The following GRIN3A variants were observed in gnomAD, a reference collection of about 807,000 sequenced individuals.
GRIN3A encodes glutamate ionotropic receptor NMDA type subunit 3A.
Under a neutral mutation model 92.4 loss-of-function variants are expected in GRIN3A, and 47 were observed. That is an observed-to-expected ratio of 0.51 (90% CI 0.40 to 0.65). The LOEUF is 0.65. Ranked by LOEUF, GRIN3A falls within the 30% of genes least tolerant of loss-of-function variation. The probability of loss-of-function intolerance (pLI) is 0.00; values close to 1 mark genes in which losing one functional copy is unlikely to be tolerated. For missense variants in GRIN3A, 1,324 were observed against 1,393.1 expected, an observed-to-expected ratio of 0.95 and a Z score of 0.79; for synonymous variants, 527 against 540.6, an observed-to-expected ratio of 0.97 and a Z score of 0.35.
chr9:101,660,687 T>C (rs550382397), intron 3 of GRIN3A, among the ~76,000 whole-genome samples: 14 of 151,810 alleles, frequency 9.2e-5, no homozygotes, highest in Non-Finnish European at 1.6e-4. Flanking sequence ...TTCACAAAAC[T>C]AATATGTAAT....
At position 101,572,558 on chromosome 9, in the gene GRIN3A, G is replaced by GAGC. The variant is rs1402327849; in HGVS notation, c.*615_*616insGCT. 6.4e-6 allele frequency: 1 copy of GAGC among 156,852 alleles called. No individual in the cohort carries two copies. Among genetic ancestry groups the GAGC allele is most frequent in the African/African-American group, 2.4e-5 (1 of 41,468 alleles). 9.7% of individuals were successfully genotyped at this position (156,852 alleles called of 1,614,324 possible). On this transcript the variant is annotated 3_prime_UTR_variant, in exon 9 of 9. Transcript: ENST00000361820. ...AAGCATGCTCTTACTAAACAGTCAG[G>GAGC]ATGGAGTCAGAGATCCAGAACCTTC...
chr9:101,640,340 A>G (rs1449919812), intron 3 of GRIN3A, among the ~76,000 whole-genome samples: 1 of 152,240 alleles, frequency 6.6e-6, no homozygotes, highest in Non-Finnish European at 1.5e-5. Flanking sequence ...TGAAGGCAGC[A>G]GTCAGCTGAG....
At chr9:101,730,281 A>G (rs191220822) in intron 1 of GRIN3A, among the ~76,000 whole-genome samples, 66 of 152,290 alleles carry the variant, frequency 4.3e-4, no homozygotes, top group African/African-American at 1.5e-3. Context: ...CTGGAGCTGG[A>G]AGTCCTAAGC....
At chr9:101,597,305 G>A (rs1291877250) in intron 6 of GRIN3A, among the ~76,000 whole-genome samples, 1 of 152,128 alleles carries the variant, frequency 6.6e-6, no homozygotes, top group African/African-American at 2.4e-5. Flanking sequence ...CTCATGGATG[G>A]AGCTGGTCGG....
At chr9:101,725,184 T>C (rs1186488772) in intron 1 of GRIN3A, among the ~76,000 whole-genome samples, 3 of 152,216 alleles carry the variant, frequency 2.0e-5, no homozygotes, top group Non-Finnish European at 4.4e-5. Flanking sequence ...AATATTATTA[T>C]AGTAAAATGG....
intron 1 of GRIN3A, among the ~76,000 whole-genome samples, chr9:101,696,109 A>C (rs182471333): frequency 6.6e-6 from 1 of 152,326 alleles, no homozygotes; most frequent in East Asian, 1.9e-4. Context: ...CATTAGCAGC[A>C]CTGAGGAGGG....
At chr9:101,718,191 G>A (rs981447812) in intron 1 of GRIN3A, among the ~76,000 whole-genome samples, 2 of 152,218 alleles carry the variant, frequency 1.3e-5, no homozygotes, top group African/African-American at 4.8e-5. Flanking sequence ...GAGGAGCACA[G>A]GGTTTGGTCT....
At chr9:101,731,738 T>C (rs1235352395) in intron 1 of GRIN3A, among the ~76,000 whole-genome samples, 1 of 152,154 alleles carries the variant, frequency 6.6e-6, no homozygotes, top group Non-Finnish European at 1.5e-5. Context: ...AAATAAAATA[T>C]CTGAGAATTT....
chr9:101,674,964 A>T (rs1355555124), intron 2 of GRIN3A, among the ~76,000 whole-genome samples: 2 of 151,990 alleles, frequency 1.3e-5, no homozygotes, highest in Non-Finnish European at 2.9e-5. Flanking sequence ...AACCATGAAG[A>T]TTACTGAGTA....
chr9:101,654,418 T>C (rs935043506), intron 3 of GRIN3A, among the ~76,000 whole-genome samples: 2 of 151,666 alleles, frequency 1.3e-5, no homozygotes, highest in African/African-American at 4.8e-5. Context: ...ATATACCGTA[T>C]ATAACATATG....
chr9:101,683,466 C>G (rs1180517890), intron 2 of GRIN3A, among the ~76,000 whole-genome samples: 2 of 152,226 alleles, frequency 1.3e-5, no homozygotes, highest in East Asian at 3.9e-4. Context: ...CTGTATTAAA[C>G]AAAATAAATA....
intron 4 of GRIN3A, among the ~76,000 whole-genome samples, chr9:101,627,414 A>G (rs764362642): frequency 2.6e-5 from 4 of 152,184 alleles, no homozygotes; most frequent in Admixed American, 6.5e-5. Flanking sequence ...CTTTCTTAAA[A>G]AAGAATTTGA....
chr9:101,649,708 T>A (rs548790766), intron 3 of GRIN3A, among the ~76,000 whole-genome samples: 1 of 152,156 alleles, frequency 6.6e-6, no homozygotes, highest in South Asian at 2.1e-4. Flanking sequence ...GAGGTATTCT[T>A]GTTTTTGAAT....
At chr9:101,715,901 T>A (rs1829939900) in intron 1 of GRIN3A, among the ~76,000 whole-genome samples, 2 of 152,184 alleles carry the variant, frequency 1.3e-5, no homozygotes, top group African/African-American at 2.4e-5. Flanking sequence ...GCCTTGTAAA[T>A]ACATTTTTAA....
At chr9:101,619,837 A>T (rs923124083) in intron 5 of GRIN3A, among the ~76,000 whole-genome samples, 1 of 152,206 alleles carries the variant, frequency 6.6e-6, no homozygotes, top group African/African-American at 2.4e-5. Context: ...GGAGACACGT[A>T]TTCATTTATC....
intron 1 of GRIN3A, among the ~76,000 whole-genome samples, chr9:101,725,852 C>G (rs1242427811): frequency 2.0e-5 from 3 of 152,196 alleles, no homozygotes; most frequent in Admixed American, 6.5e-5. Context: ...TCACTCCTTA[C>G]TTCATTCTCT....
rs2506354 is a variant in GRIN3A at position 101,686,781 on chromosome 9, C to T, written c.1119G>A (p.Gly373=). The change falls in exon 2 of 9, where the codon GGG becomes GGA. Residue 373 remains glycine (G), a synonymous_variant. Coordinates refer to ENST00000361820, the MANE Select transcript of GRIN3A (RefSeq NM_133445.3). The stretch of plus-strand genomic sequence containing the variant: ...GTGTTGTTTTTCCATGAGCAATGAG[C>T]CCTAAGGGCAGACCCTCTGTCCTCA... ...EELRTEGLPL[G]LIAHGKTTQS... is the part of the protein sequence containing the mutation. 0.77 allele frequency: 1,238,414 copies of T among 1,613,780 alleles called. 477,992 individuals carry two copies. The highest frequency in any genetic ancestry group is 0.84 in the African/African-American group (63,331 of 75,012).
intron 3 of GRIN3A, among the ~76,000 whole-genome samples, chr9:101,630,308 C>T (rs1221810243): frequency 6.6e-6 from 1 of 152,056 alleles, no homozygotes; most frequent in African/African-American, 2.4e-5. Flanking sequence ...CTTCACCCTC[C>T]TACCCAAAAC....
intron 6 of GRIN3A, among the ~76,000 whole-genome samples, chr9:101,603,773 C>G (rs10115762): frequency 0.096 from 14,677 of 152,246 alleles, 877 homozygotes; most frequent in East Asian, 0.25. Context: ...TCTGTCAATC[C>G]AGTATGATTG....
Sources: allele counts gnomAD v4.1 joint callset (sites outside exome capture counted in the v4.1 genomes callset), GRCh38; gene constraint gnomAD v4.1.1; transcripts MANE v1.5; gene names NCBI Gene and HGNC (gene_info 2026-07-23, HGNC 2026-07-21).